Variants in HIVEP3 observed in about 807,000 individuals in gnomAD.
The protein encoded by HIVEP3 is HIVEP zinc finger 3, also known as transcription factor HIVEP3.
HIVEP3 carries 49 observed loss-of-function variants against 152.8 expected under a neutral mutation model. The observed-to-expected ratio is 0.32, with a 90% CI of 0.26 to 0.41. HIVEP3 has a LOEUF of 0.41. HIVEP3 is among the 10% of genes least tolerant of loss of function. The pLI, the probability that HIVEP3 is intolerant of heterozygous loss-of-function variation, is 1.00. For missense variants in HIVEP3, 2,790 were observed against 3,103.3 expected, an observed-to-expected ratio of 0.90 and a Z score of 2.40; for synonymous variants, 1,269 against 1,289.0, an observed-to-expected ratio of 0.98 and a Z score of 0.33.
intron 3 of HIVEP3, among the ~76,000 whole-genome samples, chr1:41,627,043 C>A (rs769365651): frequency 6.6e-6 from 1 of 152,210 alleles, no homozygotes; most frequent in Non-Finnish European, 1.5e-5. Flanking sequence ...AAAGTACCAA[C>A]CATGTGGGCA....
intron 1 of HIVEP3, among the ~76,000 whole-genome samples, chr1:41,801,183 G>A (rs1650281892): frequency 6.6e-6 from 1 of 152,138 alleles, no homozygotes; most frequent in Admixed American, 6.5e-5. Flanking sequence ...GAGCCTGGAA[G>A]GAAGAGAGGT....
chr1:41,689,486 A>G (rs890193583), intron 2 of HIVEP3, among the ~76,000 whole-genome samples: 2 of 152,194 alleles, frequency 1.3e-5, no homozygotes, highest in African/African-American at 4.8e-5. Context: ...GCAAGTTGTC[A>G]TAGTAACCAG....
At chr1:41,536,716 A>G (rs145962258) in intron 5 of HIVEP3, among the ~76,000 whole-genome samples, 1 of 152,314 alleles carries the variant, frequency 6.6e-6, no homozygotes, top group African/African-American at 2.4e-5. Flanking sequence ...AAAAAAAACT[A>G]AAAATATTAG....
At chr1:41,851,317 T>A (rs1279687933) in intron 1 of HIVEP3, among the ~76,000 whole-genome samples, 1 of 99,110 alleles carries the variant, frequency 1.0e-5, no homozygotes, top group African/African-American at 3.5e-5. Flanking sequence ...TTTTTTTTTT[T>A]TTTTGAGACA....
At chr1:41,628,603 C>T (rs1054918107) in intron 3 of HIVEP3, 146 bp downstream of exon 3, 3 of 646,266 alleles carry the variant, frequency 4.6e-6, no homozygotes, top group Admixed American at 8.7e-5. Flanking sequence ...ACTTTCACAA[C>T]AACTTTCACA....
intron 1 of HIVEP3, among the ~76,000 whole-genome samples, chr1:41,938,342 G>T (rs1645029727): frequency 6.6e-6 from 1 of 152,178 alleles, no homozygotes; most frequent in Admixed American, 6.5e-5. Context: ...TGTATATGTG[G>T]TTCACCCATT....
At chr1:41,991,387 A>G (rs1184222493) in intron 1 of HIVEP3, among the ~76,000 whole-genome samples, 33 of 151,900 alleles carry the variant, frequency 2.2e-4, no homozygotes, top group African/African-American at 7.2e-4. Context: ...CAAATAAACT[A>G]GAAAATCTAG....
intron 5 of HIVEP3, among the ~76,000 whole-genome samples, chr1:41,570,894 G>A (rs1184552441): frequency 6.6e-6 from 1 of 152,190 alleles, no homozygotes; most frequent in Non-Finnish European, 1.5e-5. Flanking sequence ...CCTTCTTCTG[G>A]AGTTTTTCTT....
At chr1:41,907,489 A>G (rs1410711248) in intron 1 of HIVEP3, among the ~76,000 whole-genome samples, 1 of 152,202 alleles carries the variant, frequency 6.6e-6, no homozygotes, top group Non-Finnish European at 1.5e-5. Context: ...ATGAAGGTTC[A>G]CTTCTCGCTG....
At chr1:41,714,690 C>G (rs1209187786) in intron 1 of HIVEP3, among the ~76,000 whole-genome samples, 2 of 152,144 alleles carry the variant, frequency 1.3e-5, no homozygotes, top group Non-Finnish European at 2.9e-5. Context: ...AGGGCTTGGC[C>G]CCTGGGAGAG....
chr1:41,851,354 G>A (rs925462349), intron 1 of HIVEP3, among the ~76,000 whole-genome samples: 12 of 123,298 alleles, frequency 9.7e-5, no homozygotes, highest in East Asian at 2.4e-4. Context: ...CCAGGCTGGC[G>A]TGTAGTGGCA....
chr1:41,635,015 C>T (rs1445652403), intron 2 of HIVEP3, among the ~76,000 whole-genome samples: 1 of 152,112 alleles, frequency 6.6e-6, no homozygotes, highest in Non-Finnish European at 1.5e-5. Flanking sequence ...ATAGAGAAAA[C>T]ACCTTTTTCT....
At chr1:41,828,382 C>A (rs1249638315) in intron 1 of HIVEP3, among the ~76,000 whole-genome samples, 3 of 152,256 alleles carry the variant, frequency 2.0e-5, no homozygotes, top group African/African-American at 7.2e-5. Context: ...TTATTTAGAA[C>A]TCCTAACTCA....
intron 1 of HIVEP3, among the ~76,000 whole-genome samples, chr1:41,744,082 G>A (rs546600972): frequency 3.3e-5 from 5 of 151,424 alleles, no homozygotes; most frequent in African/African-American, 4.9e-5. Context: ...CTCTGTCGCC[G>A]ATGCTGGAGT....
chr1:41,959,224 G>C (rs1645156307), intron 1 of HIVEP3, among the ~76,000 whole-genome samples: 1 of 152,184 alleles, frequency 6.6e-6, no homozygotes, highest in African/African-American at 2.4e-5. Flanking sequence ...ACCATCCTTA[G>C]AGGAGACCAA....
At chr1:41,591,987 T>A (rs1406200280) in intron 3 of HIVEP3, among the ~76,000 whole-genome samples, 1 of 152,166 alleles carries the variant, frequency 6.6e-6, no homozygotes, top group Non-Finnish European at 1.5e-5. Flanking sequence ...GAGCAGGTGC[T>A]GCCTGACGCT....
chr1:41,539,381 T>A (rs1643474575), intron 5 of HIVEP3, among the ~76,000 whole-genome samples: 2 of 152,234 alleles, frequency 1.3e-5, no homozygotes, highest in Admixed American at 6.5e-5. Context: ...GAGACTTCTT[T>A]CCTCCAGTCT....
At chr1:41,920,589 T>TG (rs1491589539), upstream of HIVEP3, among the ~76,000 whole-genome samples, 23 of 146,920 alleles carry the variant, frequency 1.6e-4, no homozygotes, top group African/African-American at 5.3e-4. Flanking sequence ...TTTTTTTTTT[T>TG]TGTTTTGTTT....
At chr1:41,824,495 C>T (rs572933713) in intron 1 of HIVEP3, among the ~76,000 whole-genome samples, 1 of 152,126 alleles carries the variant, frequency 6.6e-6, no homozygotes, top group South Asian at 2.1e-4. Context: ...GACCCCAGCC[C>T]TGGCATTTTT....
Sources: allele counts gnomAD v4.1 joint callset (sites outside exome capture counted in the v4.1 genomes callset), GRCh38; gene constraint gnomAD v4.1.1; transcripts MANE v1.5; gene names NCBI Gene and HGNC (gene_info 2026-07-23, HGNC 2026-07-21).